The following EYS variants were observed in gnomAD, a reference collection of about 807,000 sequenced individuals.
The protein encoded by EYS is protein eyes shut homolog.
Under a neutral mutation model 282.1 loss-of-function variants are expected in EYS, and 250 were observed. The ratio of observed to expected loss-of-function variants is 0.89; its 90% CI spans 0.80 to 0.98. The LOEUF is 0.98. Ranked by LOEUF, EYS falls within the 50% of genes least tolerant of loss-of-function variation. The pLI, the probability that EYS is intolerant of heterozygous loss-of-function variation, is 0.00. For synonymous variants in EYS, 1,355 were observed against 1,282.9 expected, an observed-to-expected ratio of 1.06 and a Z score of -1.20; for missense variants, 4,016 against 3,709.0, an observed-to-expected ratio of 1.08 and a Z score of -2.15.
chr6:64,233,915 C>T (rs1168209852), intron 30 of EYS, among the ~76,000 whole-genome samples: 1 of 152,166 alleles, frequency 6.6e-6, no homozygotes, highest in Non-Finnish European at 1.5e-5. Flanking sequence ...GGGCTAAACA[C>T]TTCACATTGC....
intron 12 of EYS, among the ~76,000 whole-genome samples, chr6:65,223,752 G>A (rs949776932): frequency 1.3e-5 from 2 of 152,156 alleles, no homozygotes; most frequent in African/African-American, 2.4e-5. Context: ...TCAAGTAGCA[G>A]ACAGATGAAA....
intron 36 of EYS, among the ~76,000 whole-genome samples, chr6:63,846,999 C>T (rs1581888287): frequency 6.6e-6 from 1 of 151,946 alleles, no homozygotes; most frequent in East Asian, 1.9e-4. Flanking sequence ...AACAATCTCT[C>T]CCTAGGAAAA....
At chr6:64,152,868 A>T (rs1443470923) in intron 31 of EYS, among the ~76,000 whole-genome samples, 1 of 152,182 alleles carries the variant, frequency 6.6e-6, no homozygotes, top group African/African-American at 2.4e-5. Flanking sequence ...TAGAGAATAA[A>T]AGTAGCTTAG....
chr6:64,710,128 T>C (rs939630196), intron 22 of EYS, among the ~76,000 whole-genome samples: 16 of 152,364 alleles, frequency 1.1e-4, no homozygotes, highest in Admixed American at 6.5e-4. Flanking sequence ...GACATGATTA[T>C]TAATGATTAA....
intron 12 of EYS, among the ~76,000 whole-genome samples, chr6:65,215,045 G>A (rs1766276982): frequency 6.6e-6 from 1 of 151,866 alleles, no homozygotes; most frequent in Admixed American, 6.6e-5. Flanking sequence ...ATGAAGAGGT[G>A]AAAGGAGATT....
At chr6:64,996,986 G>A (rs1771285163) in intron 14 of EYS, among the ~76,000 whole-genome samples, 1 of 152,172 alleles carries the variant, frequency 6.6e-6, no homozygotes, top group Non-Finnish European at 1.5e-5. Context: ...CCTTGAGTAG[G>A]TGTTTTTATG....
At chr6:65,444,014 A>G (rs1768554564) in intron 5 of EYS, among the ~76,000 whole-genome samples, 2 of 151,900 alleles carry the variant, frequency 1.3e-5, no homozygotes, top group African/African-American at 4.8e-5. Flanking sequence ...TAATTATTAA[A>G]GCATGGTTCA....
intron 33 of EYS, among the ~76,000 whole-genome samples, chr6:64,028,322 A>C (rs903857415): frequency 3.3e-5 from 5 of 151,806 alleles, no homozygotes; most frequent in Non-Finnish European, 7.4e-5. Context: ...AAGCTCATAA[A>C]GGATTACAGA....
intron 1 of EYS, among the ~76,000 whole-genome samples, chr6:65,680,086 TCACACA>T (rs10650454): frequency 4.1e-5 from 6 of 147,388 alleles, no homozygotes; most frequent in East Asian, 2.0e-4. Context: ...TCCTAAATTT[TCACACA>T]CACACACACA....
rs200138513 is a variant in EYS at position 63,966,517 on chromosome 6, AC to A, written c.7055+17865del. Among the ~76,000 whole-genome samples, 444 of 152,212 alleles carry A rather than the reference AC, an allele frequency of 2.9e-3. 1 individual carries two copies. Among genetic ancestry groups the A allele is most frequent in the Non-Finnish European group, 4.4e-3 (296 of 67,998 alleles). ...ACCCTAATAACTTATGGAAAAAAAAACTGGTTGCTGCTCAAAGCAATAGCAA... is the reference window on the plus strand; with the variant it reads ...ACCCTAATAACTTATGGAAAAAAAAATGGTTGCTGCTCAAAGCAATAGCAA... On this transcript the variant is annotated intron_variant, in intron 35 of 42. Transcript: ENST00000503581.
chr6:64,096,925 G>T (rs1024677932), intron 31 of EYS, among the ~76,000 whole-genome samples: 5 of 152,162 alleles, frequency 3.3e-5, no homozygotes, highest in Non-Finnish European at 7.3e-5. Context: ...TACAGATGGG[G>T]TTTTGGTGTG....
intron 13 of EYS, among the ~76,000 whole-genome samples, chr6:65,045,277 A>G (rs1773069134): frequency 6.6e-6 from 1 of 151,896 alleles, no homozygotes; most frequent in South Asian, 2.1e-4. Flanking sequence ...AATGTTTTCT[A>G]AATCATTTAT....
intron 23 of EYS, among the ~76,000 whole-genome samples, chr6:64,621,863 C>T (rs1487380983): frequency 1.3e-5 from 2 of 152,180 alleles, no homozygotes; most frequent in Non-Finnish European, 2.9e-5. Context: ...ATTTGTGGTA[C>T]ACAAACTGTT....
chr6:63,784,020 G>A (rs1178633214), intron 39 of EYS, among the ~76,000 whole-genome samples: 1 of 152,218 alleles, frequency 6.6e-6, no homozygotes, highest in Non-Finnish European at 1.5e-5. Flanking sequence ...CTTCCTGCCT[G>A]ATTACTTGAG....
intron 36 of EYS, among the ~76,000 whole-genome samples, chr6:63,832,883 T>A (rs1771685922): frequency 6.6e-6 from 1 of 152,194 alleles, no homozygotes; most frequent in Non-Finnish European, 1.5e-5. Context: ...CAAGTTGACT[T>A]CATCTCTGGG....
intron 19 of EYS, among the ~76,000 whole-genome samples, chr6:64,872,965 T>C (rs910410688): frequency 6.6e-6 from 1 of 151,972 alleles, no homozygotes; most frequent in East Asian, 1.9e-4. Flanking sequence ...GGAACTGTTA[T>C]GAAAAAGACT....
Position 65,513,142 on chromosome 6 carries a change from T to G in EYS, c.-332-17149A>C, listed in dbSNP as rs1479792958. ...AATCCCACACAAATACAAACTACCA[T>G]CAGAGAATACTACAAACACCTCTAC... On this transcript the variant is annotated intron_variant, in intron 2 of 42. Coordinates refer to ENST00000503581, the MANE Select transcript of EYS (RefSeq NM_001142800.2). 3.3e-5 allele frequency among the ~76,000 whole-genome samples: 5 copies of G among 152,078 alleles called. No homozygotes were observed. In the East Asian group the frequency reaches 9.6e-4, roughly 29 times the overall value.
chr6:65,031,352 A>T (rs947510159), intron 13 of EYS, among the ~76,000 whole-genome samples: 1 of 151,880 alleles, frequency 6.6e-6, no homozygotes, highest in Non-Finnish European at 1.5e-5. Context: ...GATGTTTGGG[A>T]CCTGAACTCT....
At chr6:64,396,633 A>T (rs570391499) in intron 28 of EYS, among the ~76,000 whole-genome samples, 1 of 151,912 alleles carries the variant, frequency 6.6e-6, no homozygotes, top group Admixed American at 6.6e-5. Flanking sequence ...TTTTTTCTCT[A>T]TGGAAATCCA....
Sources: allele counts gnomAD v4.1 joint callset (sites outside exome capture counted in the v4.1 genomes callset), GRCh38; gene constraint gnomAD v4.1.1; transcripts MANE v1.5; gene names NCBI Gene and HGNC (gene_info 2026-07-23, HGNC 2026-07-21).